RGSL1: variants seen among roughly 807,000 people sequenced by gnomAD.
The protein encoded by RGSL1 is regulator of G protein signaling protein-like.
In RGSL1, 97 loss-of-function variants were observed where a neutral mutation model predicts 124.7. That is an observed-to-expected ratio of 0.78 (90% CI 0.66 to 0.92). RGSL1 has a LOEUF of 0.92. Among genes scored for constraint, RGSL1 ranks in the 40% least tolerant of loss-of-function variants. The pLI, the probability that RGSL1 is intolerant of heterozygous loss-of-function variation, is 0.00. For synonymous variants in RGSL1, 424 were observed against 438.1 expected, an observed-to-expected ratio of 0.97 and a Z score of 0.40; for missense variants, 1,233 against 1,288.4, an observed-to-expected ratio of 0.96 and a Z score of 0.66.
intron 4 of RGSL1, among the ~76,000 whole-genome samples, chr1:182,468,671 G>T (rs1021860263): frequency 2.6e-5 from 4 of 152,082 alleles, no homozygotes; most frequent in African/African-American, 4.8e-5. Flanking sequence ...TAAATGATGA[G>T]TTAATGGGTG....
intron 11 of RGSL1, 30 bp downstream of exon 11, chr1:182,527,802 C>T: frequency 6.6e-7 from 1 of 1,520,286 alleles, no homozygotes. Flanking sequence ...CCTGTTTTCT[C>T]TCTCTCTTTA....
rs116310486 is a variant in RGSL1 at position 182,499,570 on chromosome 1, T to C, written c.1825+6441T>C. On this transcript the variant is annotated intron_variant, in intron 9 of 21. Transcript: ENST00000294854. ...CTTTACTTTGAGCCTGTGGGTGTCA[T>C]TGCATGTGAGATGAATCTCTTGAAG... is the stretch of plus-strand genomic sequence containing the variant. Among the ~76,000 whole-genome samples the C allele has an allele frequency of 5.8e-3, 885 of 152,336 alleles. 8 individuals carry two copies. Among genetic ancestry groups the C allele is most frequent in the African/African-American group, 0.02 (847 of 41,576 alleles).
chr1:182,535,105 T>C (rs1659446236), intron 14 of RGSL1, among the ~76,000 whole-genome samples: 1 of 152,160 alleles, frequency 6.6e-6, no homozygotes, highest in African/African-American at 2.4e-5. Context: ...AGTGACTATA[T>C]GAGCAGCTGA....
intron 6 of RGSL1, among the ~76,000 whole-genome samples, chr1:182,482,810 A>G (rs1446824916): frequency 6.6e-6 from 1 of 152,242 alleles, no homozygotes; most frequent in East Asian, 1.9e-4. Flanking sequence ...TTGAAGAGAT[A>G]TCTGCACTAT....
chr1:182,460,845 T>C (rs1490226320), intron 4 of RGSL1: 4 of 407,524 alleles, frequency 9.8e-6, no homozygotes, highest in Non-Finnish European at 2.0e-5. Flanking sequence ...TCTCATTCAA[T>C]TTCAGCTCTT....
chr1:182,554,787 C>T (rs536551272), intron 20 of RGSL1, 94 bp downstream of exon 20: 1 of 1,192,480 alleles, frequency 8.4e-7, no homozygotes, highest in Admixed American at 2.0e-5. Flanking sequence ...AGACTAGCCT[C>T]ATACCCTGCC....
chr1:182,463,793 T>C (rs1653048193), intron 4 of RGSL1, among the ~76,000 whole-genome samples: 1 of 152,142 alleles, frequency 6.6e-6, no homozygotes, highest in Admixed American at 6.5e-5. Flanking sequence ...CCACTCTTAA[T>C]AATGAATAGA....
chr1:182,530,899 C>T lies in RGSL1; in HGVS notation c.2353C>T (p.Gln785Ter). The T allele has an allele frequency of 1.3e-6, 2 of 1,547,826 alleles. No individual in the cohort carries two copies. The highest frequency in any genetic ancestry group is 8.7e-7 in the Non-Finnish European group (1 of 1,145,378). ...CTCAAAGATAGTGTCAACTTACCTACAGGAATCCCAGGTTAGTGAAGAAGA... is the reference window on the plus strand; with the variant it reads ...CTCAAAGATAGTGTCAACTTACCTATAGGAATCCCAGGTTAGTGAAGAAGA... ...KPSKIVSTYL[Q>*]ESQKKGWMRM... The change falls in exon 13 of 22, where the codon CAG (glutamine) becomes TAG (stop). Residue 785 changes from glutamine (Q) to a stop codon, truncating the protein, a stop_gained. Coordinates refer to ENST00000294854, the MANE Select transcript of RGSL1 (RefSeq NM_001137669.2). LOFTEE classifies it high-confidence loss of function.
chr1:182,558,278 C>T lies in RGSL1; in HGVS notation c.*166-2001C>T, dbSNP rs190275979. ...TATGGGAGGGGAGGAAAAGGCGTCC[C>T]AACACTAGATCCAGGGGCCACTGCC... On this transcript the variant is annotated intron_variant, in intron 21 of 21. Transcript: ENST00000294854. Among the ~76,000 whole-genome samples, 76 of 152,060 alleles carry T rather than the reference C, an allele frequency of 5.0e-4. 2 individuals are homozygous for T. The Middle Eastern group carries it at 0.014, about 27-fold the overall frequency.
At chr1:182,460,452 G>T (rs1165477724) in intron 4 of RGSL1, among the ~76,000 whole-genome samples, 1 of 152,174 alleles carries the variant, frequency 6.6e-6, no homozygotes, top group Non-Finnish European at 1.5e-5. Context: ...AGCCAGAAAT[G>T]AGAAAATTAA....
chr1:182,508,276 TTGG>T (rs1656983241), intron 9 of RGSL1, among the ~76,000 whole-genome samples: 1 of 148,146 alleles, frequency 6.8e-6, no homozygotes, highest in Non-Finnish European at 1.5e-5. Flanking sequence ...GTGATGGTTG[TTGG>T]TGGTGGTGGT....
At chr1:182,511,306 A>T (rs1050045786) in intron 9 of RGSL1, among the ~76,000 whole-genome samples, 9 of 152,166 alleles carry the variant, frequency 5.9e-5, no homozygotes, top group African/African-American at 1.7e-4. Flanking sequence ...CTGGGATTAC[A>T]AGCATGTGCC....
At chr1:182,539,297 T>C (rs1455178999) in intron 14 of RGSL1, among the ~76,000 whole-genome samples, 1 of 152,008 alleles carries the variant, frequency 6.6e-6, no homozygotes, top group Non-Finnish European at 1.5e-5. Context: ...CAAACTCAAG[T>C]CTAAGAGAGA....
intron 7 of RGSL1, 155 bp from the exon 8 acceptor site, chr1:182,488,825 T>C (rs1558293871): frequency 1.8e-6 from 1 of 570,996 alleles, no homozygotes; most frequent in East Asian, 3.0e-5. Context: ...AGGGTGGGGG[T>C]TGGCATGTAA....
At chr1:182,520,867 T>C (rs1658284789) in intron 9 of RGSL1, among the ~76,000 whole-genome samples, 1 of 152,200 alleles carries the variant, frequency 6.6e-6, no homozygotes, top group African/African-American at 2.4e-5. Context: ...TGTGGGTACA[T>C]TCTATTTAAA....
intron 3 of RGSL1, among the ~76,000 whole-genome samples, chr1:182,459,119 T>C (rs1243439019): frequency 6.6e-6 from 1 of 152,208 alleles, no homozygotes; most frequent in Non-Finnish European, 1.5e-5. Flanking sequence ...TGGCAGCCCA[T>C]GGGCCACATA....
intron 9 of RGSL1, among the ~76,000 whole-genome samples, chr1:182,509,635 C>T (rs1335456825): frequency 1.5e-5 from 2 of 133,690 alleles, no homozygotes; most frequent in African/African-American, 2.9e-5. Flanking sequence ...GCGCCCCTCA[C>T]CTCCCGGACG....
intron 9 of RGSL1, among the ~76,000 whole-genome samples, chr1:182,508,672 GTT>G (rs869237122): frequency 0.057 from 799 of 13,944 alleles, 4 homozygotes; most frequent in African/African-American, 0.11. Flanking sequence ...TTGACTATTT[GTT>G]TTTTTTTTTT....
chr1:182,492,048 T>C (rs1446569221), intron 8 of RGSL1, among the ~76,000 whole-genome samples: 1 of 152,174 alleles, frequency 6.6e-6, no homozygotes, highest in Non-Finnish European at 1.5e-5. Flanking sequence ...CAAAGGACAA[T>C]GATTTGCAAC....
Sources: allele counts gnomAD v4.1 joint callset (sites outside exome capture counted in the v4.1 genomes callset), GRCh38; gene constraint gnomAD v4.1.1; transcripts MANE v1.5; gene names NCBI Gene and HGNC (gene_info 2026-07-23, HGNC 2026-07-21).